Variants in ACAT2 observed in about 807,000 individuals in gnomAD.
The protein encoded by ACAT2 is acetyl-CoA acetyltransferase, cytosolic.
Under a neutral mutation model 37.1 loss-of-function variants are expected in ACAT2, and 26 were observed. The observed-to-expected ratio is 0.70, with a 90% CI of 0.51 to 0.97. ACAT2 has a LOEUF of 0.97. Ranked by LOEUF, ACAT2 falls within the 50% of genes least tolerant of loss-of-function variation. The pLI is 0.00. For synonymous variants in ACAT2, 156 were observed against 163.6 expected (o/e 0.95, Z 0.35); for missense variants, 468 against 489.0 (o/e 0.96, Z 0.40).
intron 4 of ACAT2, among the ~76,000 whole-genome samples, chr6:159,769,525 A>AAGGCTC (rs1780304200): frequency 6.6e-6 from 1 of 152,220 alleles, no homozygotes; most frequent in Admixed American, 6.5e-5. Flanking sequence ...GAAAAGAAAA[A>AAGGCTC]AGGCTCAGGT....
chr6:159,778,765 G>A lies in ACAT2; in HGVS notation c.1130G>A (p.Arg377His), dbSNP rs547650954. Residue 377 changes from arginine (R) to histidine (H), a missense_variant, in exon 9 of 9, where the codon CGT becomes CAT. Arg to His is a conservative substitution (Grantham distance 29). Transcript: ENST00000367048. ...ACACTGGAGAGAATGGGCAGAAGTC[G>A]TGGTGTTGCAGCCCTGTGCATTGGG... The part of the protein sequence containing the change: ...LHTLERMGRS[R>H]GVAALCIGGG... 33 of 1,614,236 alleles carry A rather than the reference G, an allele frequency of 2.0e-5. No homozygotes were observed. The South Asian group carries it at 2.3e-4, about 11-fold the overall frequency.
intron 4 of ACAT2, among the ~76,000 whole-genome samples, chr6:159,773,107 G>A (rs1419572027): frequency 1.3e-5 from 2 of 152,248 alleles, no homozygotes; most frequent in South Asian, 2.1e-4. Flanking sequence ...TCCCACCTCA[G>A]CCTCCCAAAG....
chr6:159,774,305 A>G (rs758746675), intron 4 of ACAT2, among the ~76,000 whole-genome samples: 1 of 152,274 alleles, frequency 6.6e-6, no homozygotes, highest in Non-Finnish European at 1.5e-5. Context: ...AGACAAAAGC[A>G]AACTAGAGAG....
chr6:159,768,669 G>C (rs1288439745), intron 4 of ACAT2, 41 bp downstream of exon 4: 1 of 1,434,650 alleles, frequency 7.0e-7, no homozygotes, highest in Non-Finnish European at 9.8e-7. Flanking sequence ...CTTTAAAAAG[G>C]TTAAAAAGAC....
chr6:159,778,393 A>T (rs1583134737), intron 8 of ACAT2, 113 bp downstream of exon 8: 3 of 426,730 alleles, frequency 7.0e-6, no homozygotes, highest in East Asian at 7.7e-5. Context: ...AATACTAGTT[A>T]CTAGGACTGA....
chr6:159,779,053 T>C lies in ACAT2; in HGVS notation c.*224T>C. On this transcript the variant is annotated 3_prime_UTR_variant, in exon 9 of 9. Transcript: ENST00000367048. Reference sequence around the variant, plus strand: ...ATAAAAGGAACATCAGATCAATCATTAAGGGCTCCAGAGTGAACAGCATCT... The same window carrying C: ...ATAAAAGGAACATCAGATCAATCATCAAGGGCTCCAGAGTGAACAGCATCT... 1 of 1,613,122 alleles carries C rather than the reference T, an allele frequency of 6.2e-7. No homozygotes were observed. The highest frequency in any genetic ancestry group is 8.5e-7 in the Non-Finnish European group (1 of 1,179,276).
chr6:159,778,529 A>G (rs1780485557), intron 8 of ACAT2, 130 bp from the exon 9 acceptor site: 1 of 1,038,304 alleles, frequency 9.6e-7, no homozygotes, highest in Non-Finnish European at 1.4e-6. Context: ...ATTTATTCCT[A>G]AGCAGTTAAA....
intron 2 of ACAT2, 137 bp from the exon 3 acceptor site, chr6:159,766,868 C>A: frequency 1.1e-6 from 1 of 946,638 alleles, no homozygotes; most frequent in Non-Finnish European, 1.6e-6. Flanking sequence ...GGCCTTTTTG[C>A]CTCCAGTGGG....
chr6:159,769,586 A>T (rs9364535), intron 4 of ACAT2, among the ~76,000 whole-genome samples: 33,345 of 152,214 alleles, frequency 0.22, 3,830 homozygotes, highest in East Asian at 0.4. Flanking sequence ...AACAAGCATA[A>T]AACTTGTGAA....
rs752361728 is a variant in ACAT2 at position 159,768,531 on chromosome 6, G to C, written c.393G>C (p.Leu131Phe). 6.2e-7 allele frequency: 1 copy of C among 1,613,436 alleles called. No individual in the cohort carries two copies. The highest frequency in any genetic ancestry group is 1.3e-5 in the African/African-American group (1 of 74,904). ...TCTAGGCTCCTCACTTGGCTTACTT[G>C]AGAACAGGAGTAAAGATAGGTGAGA... Reference protein sequence around the residue: ...NMSKAPHLAYLRTGVKIGEMP... With the variant: ...NMSKAPHLAYFRTGVKIGEMP... The change falls in exon 4 of 9, where the codon TTG becomes TTC. Residue 131 changes from leucine to phenylalanine, a missense_variant. Transcript: ENST00000367048.
chr6:159,764,118 G>A (rs1039023870), intron 2 of ACAT2, among the ~76,000 whole-genome samples: 2 of 151,794 alleles, frequency 1.3e-5, no homozygotes, highest in Non-Finnish European at 1.5e-5. Context: ...AGAAGAAGAA[G>A]AAGCAGCAGC....
chr6:159,776,320 T>G, intron 6 of ACAT2, 48 bp downstream of exon 6: 1 of 1,578,060 alleles, frequency 6.3e-7, no homozygotes, highest in Non-Finnish European at 8.6e-7. Context: ...TTCTATAATG[T>G]CTACCGAGTG....
At chr6:159,777,576 TA>T in intron 7 of ACAT2, 120 bp downstream of exon 7, 1 of 1,204,486 alleles carries the variant, frequency 8.3e-7, no homozygotes, top group Non-Finnish European at 1.1e-6. Context: ...CATTTATTTC[TA>T]TTTTTGAGAT....
rs1278001591 is a variant in ACAT2, at chr6:159,776,163, T to G, written c.648T>G (p.Val216=). 3.7e-6 allele frequency: 6 copies of G among 1,613,936 alleles called. No individual in the cohort carries two copies. The highest frequency in any genetic ancestry group is 5.1e-6 in the Non-Finnish European group (6 of 1,179,958). Residue 216 remains valine (V), a synonymous_variant, in exon 6 of 9, where the codon GTT becomes GTG. Coordinates refer to ENST00000367048, the MANE Select transcript of ACAT2 (RefSeq NM_005891.3). ...LVSTRKGLIE[V]KTDEFPRHGS... is the part of the protein sequence containing the mutation. The stretch of plus-strand genomic sequence containing the variant: ...TCCTTTGCTTAGGTCTTATTGAAGT[T>G]AAAACAGATGAGTTTCCTCGCCATG...
chr6:159,776,284 T>C lies in ACAT2; in HGVS notation c.757+12T>C. ...AGCCAATGCTTCAGGTTAGATTTTC[T>C]GAAGGACATCTGGGGGAATACTATG... On this transcript the variant is annotated intron_variant, in intron 6 of 8. Coordinates refer to ENST00000367048, the MANE Select transcript of ACAT2 (RefSeq NM_005891.3). 1 of 1,613,238 alleles carries C rather than the reference T, an allele frequency of 6.2e-7. No homozygotes were observed. Among genetic ancestry groups the C allele is most frequent in the South Asian group, 1.1e-5 (1 of 90,920 alleles).
rs1280064337 is a variant in ACAT2, at chr6:159,762,602, C to T, written c.56-317C>T. 11 of 1,385,238 alleles carry T rather than the reference C, an allele frequency of 7.9e-6. No homozygotes were observed. In the Admixed American group the frequency reaches 1.4e-4, roughly 17 times the overall value. The allele number at this position is 1,385,238 out of a possible 1,614,324, so 85.8% of individuals were successfully genotyped here. A position where few individuals can be genotyped will look rare whatever the true frequency, so the allele number is the denominator to read the frequency against. On this transcript the variant is annotated intron_variant, in intron 1 of 8. Coordinates refer to ENST00000367048, the MANE Select transcript of ACAT2 (RefSeq NM_005891.3). Reference sequence around the variant, plus strand: ...CTCCTTCGTGCCGCATGGTTTTCAACGCCCTTGACCCGCCGGTTCCTTTTG... The same window carrying T: ...CTCCTTCGTGCCGCATGGTTTTCAATGCCCTTGACCCGCCGGTTCCTTTTG...
At chr6:159,774,309 TAG>T (rs1281454970) in intron 4 of ACAT2, among the ~76,000 whole-genome samples, 1 of 152,168 alleles carries the variant, frequency 6.6e-6, no homozygotes, top group Non-Finnish European at 1.5e-5. Context: ...AAAAGCAAAC[TAG>T]AGAGATTGAT....
intron 3 of ACAT2, among the ~76,000 whole-genome samples, chr6:159,767,997 C>T (rs770989415): frequency 1.6e-4 from 24 of 152,140 alleles, no homozygotes; most frequent in Non-Finnish European, 2.8e-4. Flanking sequence ...ACAACTCTTC[C>T]GACTCTAAGT....
At chr6:159,769,238 T>C (rs1780300019) in intron 4 of ACAT2, among the ~76,000 whole-genome samples, 1 of 152,166 alleles carries the variant, frequency 6.6e-6, no homozygotes, top group Non-Finnish European at 1.5e-5. Flanking sequence ...ACTGTGTGCA[T>C]GAATGCTAGG....
Sources: allele counts gnomAD v4.1 joint callset (sites outside exome capture counted in the v4.1 genomes callset), GRCh38; gene constraint gnomAD v4.1.1; transcripts MANE v1.5; gene names NCBI Gene and HGNC (gene_info 2026-07-23, HGNC 2026-07-21).